The following FREM2 variants were observed in gnomAD, a reference collection of about 807,000 sequenced individuals.
FREM2 encodes the protein FRAS1 related extracellular matrix 2, also known as FRAS1-related extracellular matrix protein 2.
FREM2 carries 119 observed loss-of-function variants against 219.9 expected under a neutral mutation model. That is an observed-to-expected ratio of 0.54 (90% confidence interval 0.47 to 0.63). The LOEUF (loss-of-function observed/expected upper bound fraction) is 0.63. Among genes scored for constraint, FREM2 ranks in the 30% least tolerant of loss-of-function variants. The pLI, the probability that FREM2 is intolerant of heterozygous loss-of-function variation, is 0.00. For synonymous variants in FREM2, 1,562 were observed against 1,522.8 expected, an observed-to-expected ratio of 1.03 and a Z score of -0.60; for missense variants, 4,030 against 3,993.6, an observed-to-expected ratio of 1.01 and a Z score of -0.25.
At chr13:38,851,208 G>C in intron 10 of FREM2, 100 bp downstream of exon 10, 3 of 1,131,214 alleles carry the variant, frequency 2.7e-6, no homozygotes, top group Non-Finnish European at 3.9e-6. Flanking sequence ...CACCTCCTCT[G>C]CTTTATGACT....
Position 38,687,647 on chromosome 13 carries a change from CG to C in FREM2, c.307del (p.Asp103ThrfsTer8). On this transcript the variant is annotated frameshift_variant, in exon 1 of 24. Transcript: ENST00000280481. LOFTEE classifies it high-confidence loss of function. Reference sequence around the variant, plus strand: ...ATGACCTGGTGTTGCAGGTGCAGCCCGGGGACCGCTGCGCGGTTTCGGTACT... The same window carrying C: ...ATGACCTGGTGTTGCAGGTGCAGCCCGGGACCGCTGCGCGGTTTCGGTACT... ...LHDLVLQVQP[G>X]DRCAVSVLDN... 1.2e-6 allele frequency: 2 copies of C among 1,607,432 alleles called. No individual in the cohort carries two copies. The highest frequency in any genetic ancestry group is 1.1e-5 in the South Asian group (1 of 90,484).
At chr13:38,810,486 A>C (rs1875433727) in intron 6 of FREM2, among the ~76,000 whole-genome samples, 1 of 151,986 alleles carries the variant, frequency 6.6e-6, no homozygotes, top group Non-Finnish European at 1.5e-5. Context: ...ATGTTGATAT[A>C]TGTTCCGTCT....
rs1593445828 is a variant in FREM2 at position 38,851,794 on chromosome 13, A to G, written c.6851A>G (p.Lys2284Arg). The change falls in exon 11 of 24, where the codon AAG (lysine) becomes AGG (arginine). Residue 2284 changes from lysine (K) to arginine (R), a missense_variant. Lys to Arg is a conservative substitution (Grantham distance 26). This residue lies in a region of FREM2 where 3,102 missense variants were observed against 2,950.7 expected (regional missense o/e 1.05). Transcript: ENST00000280481. The part of the protein sequence containing the change: ...IPVIRQGDTS[K>R]VSIVRVHTKD... Reference sequence around the variant, plus strand: ...GTGATTCGCCAAGGAGACACTTCAAAGGTTTCCATTGTGAGAGTCCACACC... The same window carrying G: ...GTGATTCGCCAAGGAGACACTTCAAGGGTTTCCATTGTGAGAGTCCACACC... 2 of 1,613,988 alleles carry G rather than the reference A, an allele frequency of 1.2e-6. No individual in the cohort carries two copies. The highest frequency in any genetic ancestry group is 1.7e-6 in the Non-Finnish European group (2 of 1,179,898).
At chr13:38,702,522 C>G (rs563750162) in intron 2 of FREM2, among the ~76,000 whole-genome samples, 1 of 152,052 alleles carries the variant, frequency 6.6e-6, no homozygotes, top group Non-Finnish European at 1.5e-5. Context: ...ATTAAAAAGT[C>G]CTCGTGTAAA....
At chr13:38,708,767 G>T (rs1870641916) in intron 2 of FREM2, among the ~76,000 whole-genome samples, 1 of 151,972 alleles carries the variant, frequency 6.6e-6, no homozygotes, top group South Asian at 2.1e-4. Flanking sequence ...GTTTTGTTTT[G>T]TTTTGTTTTG....
At chr13:38,765,478 C>T in intron 3 of FREM2, among the ~76,000 whole-genome samples, 1 of 151,930 alleles carries the variant, frequency 6.6e-6, no homozygotes, top group East Asian at 1.9e-4. Context: ...GTTAGTAAAC[C>T]TATGCTTGTC....
intron 2 of FREM2, among the ~76,000 whole-genome samples, chr13:38,738,764 C>T (rs776054260): frequency 9.9e-5 from 15 of 151,862 alleles, no homozygotes; most frequent in Non-Finnish European, 1.9e-4. Context: ...GAGCACAGAG[C>T]TCTGGAGGCC....
intron 2 of FREM2, among the ~76,000 whole-genome samples, chr13:38,705,107 T>C (rs150543036): frequency 6.6e-6 from 1 of 152,264 alleles, no homozygotes; most frequent in East Asian, 1.9e-4. Context: ...TTTAGAAAGA[T>C]GATTCTTGCA....
chr13:38,835,185 CA>C (rs1292263329), intron 6 of FREM2, among the ~76,000 whole-genome samples: 7 of 152,294 alleles, frequency 4.6e-5, no homozygotes, highest in African/African-American at 1.7e-4. Context: ...GTTTTCCCAA[CA>C]CCATTTATTA....
chr13:38,732,467 C>T (rs1871805743), intron 2 of FREM2, among the ~76,000 whole-genome samples: 1 of 152,166 alleles, frequency 6.6e-6, no homozygotes, highest in Non-Finnish European at 1.5e-5. Flanking sequence ...TCAAAGCATA[C>T]TAAATGCCAA....
rs750230706 is a variant in FREM2 at position 38,877,176 on chromosome 13, G to C, written c.8604G>C (p.Lys2868Asn). The change falls in exon 21 of 24, where the codon AAG becomes AAC. Residue 2868 changes from lysine to asparagine, a missense_variant. Transcript: ENST00000280481. ...ACACCCAAATGTACCTGCTCTCTAA[G>C]AAGAGTCTCTGGTTGTCTGATGGAT... is the stretch of plus-strand genomic sequence containing the variant. ...SLNTQMYLLS[K>N]KSLWLSDGSM... is the part of the protein sequence containing the mutation. The C allele has an allele frequency of 2.5e-6, 4 of 1,614,120 alleles. No individual in the cohort carries two copies. Among genetic ancestry groups the C allele is most frequent in the Middle Eastern group, 1.6e-4 (1 of 6,062 alleles).
intron 4 of FREM2, among the ~76,000 whole-genome samples, chr13:38,772,068 C>T (rs1035171302): frequency 1.3e-5 from 2 of 152,146 alleles, no homozygotes; most frequent in Non-Finnish European, 2.9e-5. Flanking sequence ...CTCTCCAGCT[C>T]TTTGCATATA....
rs555635337 is a variant in FREM2 at position 38,776,799 on chromosome 13, A to C, written c.5642-6271A>C. ...AAACTGCTAAAAAGAAAAAAAAAAA[A>C]CCCAGAGGTCTATTCACTTAATTTC... On this transcript the variant is annotated intron_variant, in intron 4 of 23. Transcript: ENST00000280481. Among the ~76,000 whole-genome samples the C allele has an allele frequency of 3.2e-4, 48 of 151,164 alleles. No individual in the cohort carries two copies. The East Asian group carries it at 8.9e-3, about 28-fold the overall frequency.
At chr13:38,800,217 C>A (rs1413933491) in intron 6 of FREM2, among the ~76,000 whole-genome samples, 1 of 151,986 alleles carries the variant, frequency 6.6e-6, no homozygotes, top group Non-Finnish European at 1.5e-5. Flanking sequence ...GTTTAGGGAT[C>A]CCTTGAACAT....
chr13:38,772,502 C>T (rs1482628977), intron 4 of FREM2, among the ~76,000 whole-genome samples: 3 of 152,140 alleles, frequency 2.0e-5, no homozygotes, highest in Non-Finnish European at 4.4e-5. Flanking sequence ...GACTGAAATT[C>T]GTTGAGCAGT....
In FREM2 at chr13:38,752,143, T is replaced by C. The variant is rs1872799082; in HGVS notation, c.5264-12161T>C. On this transcript the variant is annotated intron_variant, in intron 2 of 23. Coordinates refer to ENST00000280481, the MANE Select transcript of FREM2 (RefSeq NM_207361.6). Reference sequence around the variant, plus strand: ...GTGTATGACATTGATGCTGTAATACTCCATCCTCTCTTTGTCCCTGTCTCT... The same window carrying C: ...GTGTATGACATTGATGCTGTAATACCCCATCCTCTCTTTGTCCCTGTCTCT... Among the ~76,000 whole-genome samples the C allele has an allele frequency of 2.0e-5, 3 of 152,164 alleles. 1 individual carries two copies. In the South Asian group the frequency reaches 6.2e-4, roughly 32 times the overall value.
intron 2 of FREM2, among the ~76,000 whole-genome samples, chr13:38,709,570 A>G (rs192347824): frequency 2.3e-3 from 346 of 152,260 alleles, no homozygotes; most frequent in African/African-American, 8.0e-3. Flanking sequence ...ATGCATATAT[A>G]TTATGCAGAA....
Position 38,801,434 on chromosome 13 carries a change from A to G in FREM2, c.6019+16626A>G, listed in dbSNP as rs979451849. On this transcript the variant is annotated intron_variant, in intron 6 of 23. Coordinates refer to ENST00000280481, the MANE Select transcript of FREM2 (RefSeq NM_207361.6). ...ATGTTTCCTGTGTCCTTATGTTGAT[A>G]TCTGTGCATCTGGTGTAACTATTGC... Among the ~76,000 whole-genome samples the G allele has an allele frequency of 9.9e-5, 15 of 152,228 alleles. No homozygotes were observed. The East Asian group carries it at 2.7e-3, about 27-fold the overall frequency.
chr13:38,878,165 T>A lies in FREM2; in HGVS notation c.8703T>A (p.Asp2901Glu). 6.2e-7 allele frequency: 1 copy of A among 1,613,854 alleles called. No homozygotes were observed. ...TAATTTATGGTCGTGTCATGGTGGA[T>A]CCTGTCCAGAATCTGGGTGACTCCT... ...GDIIYGRVMV[D>E]PVQNLGDSFY... Residue 2901 changes from aspartate to glutamate, a missense_variant, in exon 22 of 24, where the codon GAT becomes GAA. Asp to Glu is a conservative substitution (Grantham distance 45). This residue lies in a region of FREM2 where 928 missense variants were observed against 1,042.9 expected (regional missense o/e 0.89). Transcript: ENST00000280481.
Sources: gnomAD v4.1 joint callset for allele counts (sites outside exome capture counted in the v4.1 genomes callset) on GRCh38, gnomAD v4.1.1 for gene constraint, gnomAD v4.1.1 regional missense constraint, MANE v1.5 for transcripts, NCBI Gene and HGNC (gene_info 2026-07-23, HGNC 2026-07-21) for gene names.